Variants in RBM43 observed in about 807,000 individuals in gnomAD.
The protein encoded by RBM43 is RNA-binding protein 43.
RBM43 carries 12 observed loss-of-function variants against 12.4 expected under a neutral mutation model. The ratio of observed to expected loss-of-function variants is 0.97; its 90% CI spans 0.62 to 1.57. RBM43 has a LOEUF of 1.57. Ranked by LOEUF, RBM43 falls within the 40% of genes most tolerant of loss-of-function variation. The probability of loss-of-function intolerance (pLI) is 0.00; values close to 1 mark genes in which losing one functional copy is unlikely to be tolerated. For missense variants in RBM43, 348 were observed against 400.1 expected, an observed-to-expected ratio of 0.87 and a Z score of 1.11; for synonymous variants, 138 against 145.7, an observed-to-expected ratio of 0.95 and a Z score of 0.38.
chr2:151,253,952 A>G (rs937547175), intron 2 of RBM43, among the ~76,000 whole-genome samples: 3 of 152,118 alleles, frequency 2.0e-5, no homozygotes, highest in African/African-American at 7.2e-5. Context: ...CTCTGCTCAA[A>G]TGTCATCTAA....
At position 151,255,540 on chromosome 2, in the gene RBM43, T is replaced by C. The variant is rs546712010; in HGVS notation, c.207A>G (p.Glu69=). The change falls in exon 2 of 4, where the codon GAA becomes GAG. Residue 69 remains glutamate (E), a synonymous_variant. Coordinates refer to ENST00000331426, the MANE Select transcript of RBM43 (RefSeq NM_198557.3). ...TKGVAYVIFK[E]KKVAENVIRQ... is the part of the protein sequence containing the mutation. ...AATTTGACTTGGAAATACCTTTTTT[T>C]TCTTTGAATATTACATATGCAACTC... 2 of 1,597,952 alleles carry C rather than the reference T, an allele frequency of 1.3e-6. No homozygotes were observed. The highest frequency in any genetic ancestry group is 3.4e-5 in the Admixed American group (2 of 58,322).
At chr2:151,254,570 G>C (rs1682948652) in intron 2 of RBM43, among the ~76,000 whole-genome samples, 2 of 152,054 alleles carry the variant, frequency 1.3e-5, no homozygotes, top group Non-Finnish European at 2.9e-5. Context: ...CCCCCATGTG[G>C]TATGTTCACC....
chr2:151,254,570 G>A (rs1682948652), intron 2 of RBM43, among the ~76,000 whole-genome samples: 1 of 152,172 alleles, frequency 6.6e-6, no homozygotes, highest in African/African-American at 2.4e-5. Flanking sequence ...CCCCCATGTG[G>A]TATGTTCACC....
In RBM43 at chr2:151,254,984, T is replaced by G. The variant is rs764823879; in HGVS notation, c.214+549A>C. On this transcript the variant is annotated intron_variant, in intron 2 of 3. Coordinates refer to ENST00000331426, the MANE Select transcript of RBM43 (RefSeq NM_198557.3). ...AATGTAACACTTTCACCCCAAGATA[T>G]AGACAGATTCAAAATACAGAAGAAA... Among the ~76,000 whole-genome samples, 182 of 152,290 alleles carry G rather than the reference T, an allele frequency of 1.2e-3. 1 individual carries two copies. The highest frequency in any genetic ancestry group is 4.3e-3 in the African/African-American group (178 of 41,552).
At position 151,255,741 on chromosome 2, in the gene RBM43, T is replaced by G. The variant is rs1483603412; in HGVS notation, c.6A>C (p.Ala2=). Residue 2 remains alanine (A), a splice_region_variant and synonymous_variant, in exon 2 of 4, where the codon GCA becomes GCC. Transcript: ENST00000331426. M[A]SVLNVKESKA... Reference sequence around the variant, plus strand: ...TGGATTCCTTGACATTCAAAACTGATGCCTGTAAGAGAAACAGCAGGTTAT... The same window carrying G: ...TGGATTCCTTGACATTCAAAACTGAGGCCTGTAAGAGAAACAGCAGGTTAT... 1 of 1,609,068 alleles carries G rather than the reference T, an allele frequency of 6.2e-7. No homozygotes were observed. Among genetic ancestry groups the G allele is most frequent in the East Asian group, 2.2e-5 (1 of 44,834 alleles).
chr2:151,260,212 G>A (rs148542081), intron 1 of RBM43, among the ~76,000 whole-genome samples: 23 of 150,818 alleles, frequency 1.5e-4, no homozygotes, highest in Admixed American at 1.3e-3. Context: ...TGCAACCTCC[G>A]CCTCCTGGGC....
intron 1 of RBM43, among the ~76,000 whole-genome samples, chr2:151,258,034 C>T (rs12996459): frequency 0.35 from 53,640 of 151,616 alleles, 11,744 homozygotes; most frequent in Admixed American, 0.5. Context: ...TGCCATTGCA[C>T]TCCAGCCCTG....
chr2:151,261,027 A>G (rs563654593), intron 1 of RBM43: 20 of 485,528 alleles, frequency 4.1e-5, no homozygotes, highest in South Asian at 3.0e-4. Flanking sequence ...TTTATTTTCA[A>G]TGACGACGCC....
intron 1 of RBM43, among the ~76,000 whole-genome samples, chr2:151,260,750 T>C (rs1683035757): frequency 6.6e-6 from 1 of 152,194 alleles, no homozygotes; most frequent in South Asian, 2.1e-4. Flanking sequence ...ATGAGGGTTG[T>C]TCATCTCTTC....
In RBM43 at chr2:151,251,524, C is replaced by T; in HGVS notation, c.456G>A (p.Val152=). Residue 152 remains valine, a synonymous_variant, in exon 4 of 4, where the codon GTG becomes GTA. Transcript: ENST00000331426. ...SPLKPNGRIS[V]EGSFLAVKRL... is the part of the protein sequence containing the mutation. ...TCTTGACAGCCAGAAATGATCCTTC[C>T]ACGGAGATTCTTCCATTGGGTTTCA... 1 of 1,614,192 alleles carries T rather than the reference C, an allele frequency of 6.2e-7. No individual in the cohort carries two copies. Among genetic ancestry groups the T allele is most frequent in the African/African-American group, 1.3e-5 (1 of 75,062 alleles).
At chr2:151,255,357 G>GC (rs1682957265) in intron 2 of RBM43, among the ~76,000 whole-genome samples, 176 bp downstream of exon 2, 1 of 152,018 alleles carries the variant, frequency 6.6e-6, no homozygotes, top group Non-Finnish European at 1.5e-5. Flanking sequence ...GGCAGAGGTT[G>GC]CAGTGAGCTG....
rs761560990 is a variant in RBM43, at chr2:151,250,890, T to C, written c.*16A>G. On this transcript the variant is annotated 3_prime_UTR_variant, in exon 4 of 4. Transcript: ENST00000331426. ...CAAGAGAAAGCAGCCCTTATGACTA[T>C]ATTGCTGAGATTTTATTAACTAACC... 11 of 1,564,032 alleles carry C rather than the reference T, an allele frequency of 7.0e-6. No individual in the cohort carries two copies. In the East Asian group the frequency reaches 9.0e-5, roughly 13 times the overall value.
chr2:151,261,806 C>T lies in RBM43; in HGVS notation c.-79G>A. ...CGCAGGCGATGGGGAGAGGAGCGAG[C>T]AGGCAGGTTTTGGTTTCGTTTTTTG... On this transcript the variant is annotated 5_prime_UTR_variant, in exon 1 of 4. Transcript: ENST00000331426. 1.3e-6 allele frequency: 2 copies of T among 1,514,230 alleles called. No individual in the cohort carries two copies. The highest frequency in any genetic ancestry group is 2.4e-5 in the South Asian group (2 of 83,290). 93.8% of individuals were successfully genotyped at this position (1,514,230 alleles called of 1,614,324 possible). A position where few individuals can be genotyped will look rare whatever the true frequency, so the allele number is the denominator to read the frequency against.
intron 1 of RBM43, among the ~76,000 whole-genome samples, chr2:151,258,381 CT>C (rs1330884098): frequency 3.4e-3 from 481 of 143,438 alleles, no homozygotes; most frequent in Non-Finnish European, 4.9e-3. Flanking sequence ...GATTATTTTA[CT>C]TTAAAAAAAA....
rs759946696 is a variant in RBM43, at chr2:151,251,620, T to C, written c.360A>G (p.Gly120=). The part of the protein sequence containing the change: ...VNAILDLSVF[G]KEVTLETLVK... Reference sequence around the variant, plus strand: ...CCAGAGTTTCTAGAGTAACTTCTTTTCCAAAAACAGAAAGATCAAGGATGG... The same window carrying C: ...CCAGAGTTTCTAGAGTAACTTCTTTCCCAAAAACAGAAAGATCAAGGATGG... The change falls in exon 4 of 4, where the codon GGA becomes GGG. Residue 120 remains glycine, a synonymous_variant. Transcript: ENST00000331426. 6.2e-7 allele frequency: 1 copy of C among 1,612,210 alleles called. No individual in the cohort carries two copies. The highest frequency in any genetic ancestry group is 1.7e-5 in the Admixed American group (1 of 59,572).
intron 1 of RBM43, among the ~76,000 whole-genome samples, chr2:151,257,343 C>A (rs550651380): frequency 2.0e-5 from 3 of 152,326 alleles, no homozygotes; most frequent in South Asian, 2.1e-4. Context: ...AACACACACA[C>A]ACACACACAG....
At chr2:151,260,115 C>G (rs1047554216) in intron 1 of RBM43, among the ~76,000 whole-genome samples, 2 of 151,410 alleles carry the variant, frequency 1.3e-5, no homozygotes, top group Non-Finnish European at 2.9e-5. Context: ...CCGCTCCCCC[C>G]TCGGCCTCTC....
At position 151,255,252 on chromosome 2, in the gene RBM43, T is replaced by C. The variant is rs373687283; in HGVS notation, c.214+281A>G. On this transcript the variant is annotated intron_variant, in intron 2 of 3. Coordinates refer to ENST00000331426, the MANE Select transcript of RBM43 (RefSeq NM_198557.3). ...CAACATGGTGAAACTCTGTCTCTAC[T>C]AAAAATAAAAAATTTAGCTGGGCGT... Among the ~76,000 whole-genome samples, 7 of 152,076 alleles carry C rather than the reference T, an allele frequency of 4.6e-5. No individual in the cohort carries two copies. The East Asian group carries it at 1.2e-3, about 25-fold the overall frequency.
rs543378328 is a variant in RBM43 at position 151,254,809 on chromosome 2, GATACTATATTAGAAT to G, written c.214+709_214+723del. ...ATTCAACTTTGCCAGTAATAAGGCA[GATACTATATTAGAAT>G]ATCCATTTATTCTAAAATATATAAT... On this transcript the variant is annotated intron_variant, in intron 2 of 3. Transcript: ENST00000331426. 3.6e-3 allele frequency among the ~76,000 whole-genome samples: 553 copies of G among 152,254 alleles called. 4 individuals are homozygous for G. The highest frequency in any genetic ancestry group is 0.013 in the African/African-American group (531 of 41,544).
Sources: gnomAD v4.1 joint callset for allele counts (sites outside exome capture counted in the v4.1 genomes callset) on GRCh38, gnomAD v4.1.1 for gene constraint, MANE v1.5 for transcripts, NCBI Gene and HGNC (gene_info 2026-07-23, HGNC 2026-07-21) for gene names.